The following SLMAP variants were observed in gnomAD, a reference collection of about 807,000 sequenced individuals.
SLMAP encodes the protein sarcolemma associated protein.
Under a neutral mutation model 128.8 loss-of-function variants are expected in SLMAP, and 44 were observed. That is an observed-to-expected ratio of 0.34 (90% confidence interval 0.27 to 0.44). The LOEUF is 0.44. SLMAP is among the 20% of genes least tolerant of loss of function. The pLI, the probability that SLMAP is intolerant of heterozygous loss-of-function variation, is 1.00. For synonymous variants in SLMAP, 327 were observed against 348.8 expected, an observed-to-expected ratio of 0.94 and a Z score of 0.70; for missense variants, 787 against 985.3, an observed-to-expected ratio of 0.80 and a Z score of 2.69.
At chr3:57,861,906 A>G (rs1427769657) in intron 9 of SLMAP, 43 bp from the exon 10 acceptor site, 1 of 1,538,910 alleles carries the variant, frequency 6.5e-7, no homozygotes, top group Non-Finnish European at 8.9e-7. Context: ...AATAACAAAT[A>G]TACACTTATT....
intron 2 of SLMAP, among the ~76,000 whole-genome samples, chr3:57,769,939 A>G (rs1365810919): frequency 1.3e-5 from 2 of 152,222 alleles, no homozygotes; most frequent in Non-Finnish European, 2.9e-5. Flanking sequence ...GTTAAGATAT[A>G]GTTTAAAAGT....
At chr3:57,907,856 G>A in intron 17 of SLMAP, 28 bp from the exon 18 acceptor site, 1 of 1,607,834 alleles carries the variant, frequency 6.2e-7, no homozygotes, top group South Asian at 1.1e-5. Context: ...ACTAACTCTT[G>A]CTTTTAAAAT....
At chr3:57,788,007 A>G (rs1416087192) in intron 2 of SLMAP, among the ~76,000 whole-genome samples, 1 of 152,200 alleles carries the variant, frequency 6.6e-6, no homozygotes, top group Non-Finnish European at 1.5e-5. Flanking sequence ...AGTGGTTAGA[A>G]TGGTTTCTCC....
intron 4 of SLMAP, among the ~76,000 whole-genome samples, chr3:57,846,220 G>C (rs1329305201): frequency 6.6e-6 from 1 of 152,190 alleles, no homozygotes; most frequent in Non-Finnish European, 1.5e-5. Flanking sequence ...GGTAGAGCTA[G>C]ATTTTGGACC....
chr3:57,781,099 G>A (rs1486395408), intron 2 of SLMAP, among the ~76,000 whole-genome samples: 2 of 151,504 alleles, frequency 1.3e-5, no homozygotes, highest in Non-Finnish European at 2.9e-5. Context: ...AAATAAATTA[G>A]CGAGGCATGG....
intron 3 of SLMAP, among the ~76,000 whole-genome samples, chr3:57,837,563 G>A (rs2153558363): frequency 6.6e-6 from 1 of 152,160 alleles, no homozygotes; most frequent in Middle Eastern, 3.4e-3. Flanking sequence ...TAGAGACAAG[G>A]TTTCACTGTG....
intron 4 of SLMAP, among the ~76,000 whole-genome samples, chr3:57,845,294 A>C (rs1268768041): frequency 6.6e-6 from 1 of 152,206 alleles, no homozygotes; most frequent in Non-Finnish European, 1.5e-5. Context: ...TAATCAAAGA[A>C]GGACAGTAAA....
At chr3:57,809,719 A>G (rs2090586271) in intron 2 of SLMAP, among the ~76,000 whole-genome samples, 1 of 151,986 alleles carries the variant, frequency 6.6e-6, no homozygotes, top group Admixed American at 6.6e-5. Context: ...ACTGGCTCAC[A>G]TTTCCTCCCC....
intron 4 of SLMAP, among the ~76,000 whole-genome samples, chr3:57,843,048 T>G (rs2094015871): frequency 6.6e-6 from 1 of 152,216 alleles, no homozygotes; most frequent in Admixed American, 6.5e-5. Flanking sequence ...GGCATAGTAC[T>G]TGGCATATAA....
At chr3:57,830,027 CT>C (rs1560144528) in intron 2 of SLMAP, among the ~76,000 whole-genome samples, 1 of 152,062 alleles carries the variant, frequency 6.6e-6, no homozygotes, top group African/African-American at 2.4e-5. Flanking sequence ...GTAGTAATAT[CT>C]TTTTTTGTTT....
intron 17 of SLMAP, chr3:57,899,958 A>C (rs775862514): frequency 2.7e-5 from 4 of 150,470 alleles, no homozygotes; most frequent in Admixed American, 6.7e-5. Flanking sequence ...GTGATGTATT[A>C]CTGGTACTTT....
chr3:57,892,716 A>T (rs2153653728), intron 15 of SLMAP, among the ~76,000 whole-genome samples: 1 of 152,100 alleles, frequency 6.6e-6, no homozygotes, highest in African/African-American at 2.4e-5. Context: ...AGGCCAAGAT[A>T]AGAGGATCGC....
chr3:57,916,973 G>A lies in SLMAP; in HGVS notation c.2206G>A (p.Glu736Lys). Residue 736 changes from glutamate (E) to lysine (K), a missense_variant, in exon 22 of 25, where the codon GAG (glutamate) becomes AAG (lysine). Around this residue, in one of 2 missense-constraint regions of SLMAP, gnomAD observed 715 missense variants for 843.6 expected, o/e 0.85. Coordinates refer to ENST00000671191, the MANE Select transcript of SLMAP (RefSeq NM_001377540.1). ...SILQMSRKEL[E>K]NQVGSLKEQH... The stretch of plus-strand genomic sequence containing the variant: ...CCTTCAAATGTCTAGGAAAGAACTT[G>A]AGAATCAAGTGGGATCCTTGAAAGA... The A allele has an allele frequency of 6.2e-7, 1 of 1,613,908 alleles. No homozygotes were observed. The highest frequency in any genetic ancestry group is 8.5e-7 in the Non-Finnish European group (1 of 1,179,914).
At chr3:57,880,319 G>C (rs1340107979) in intron 14 of SLMAP, among the ~76,000 whole-genome samples, 1 of 151,598 alleles carries the variant, frequency 6.6e-6, no homozygotes, top group Admixed American at 6.6e-5. Context: ...CTCCTGTCTC[G>C]GCCTCCTGAG....
At chr3:57,899,936 A>G (rs1027277476) in intron 17 of SLMAP, 47 of 152,312 alleles carry the variant, frequency 3.1e-4, no homozygotes, top group African/African-American at 1.1e-3. Context: ...AGAGTTTTAC[A>G]AATTCTTAAA....
chr3:57,913,414 T>C (rs1244111466), intron 21 of SLMAP, 139 bp downstream of exon 21: 1 of 514,558 alleles, frequency 1.9e-6, no homozygotes. Flanking sequence ...ATTTGGCAGG[T>C]TAACCATACT....
At chr3:57,862,723 T>A (rs1415477471) in intron 10 of SLMAP, among the ~76,000 whole-genome samples, 5 of 151,822 alleles carry the variant, frequency 3.3e-5, no homozygotes, top group Admixed American at 2.0e-4. Flanking sequence ...TCTCCTTGAA[T>A]GTGTTAAATT....
At chr3:57,783,083 T>G (rs944472860) in intron 2 of SLMAP, among the ~76,000 whole-genome samples, 1 of 152,220 alleles carries the variant, frequency 6.6e-6, no homozygotes. Context: ...GGGTTGTTGC[T>G]GTAACAAACA....
At chr3:57,900,454 A>G (rs1158040681) in intron 17 of SLMAP, 1 of 152,212 alleles carries the variant, frequency 6.6e-6, no homozygotes, top group Non-Finnish European at 1.5e-5. Flanking sequence ...TTCACTTCAA[A>G]TCATGTCTGT....
Sources: gnomAD v4.1 joint callset for allele counts (sites outside exome capture counted in the v4.1 genomes callset) on GRCh38, gnomAD v4.1.1 for gene constraint, gnomAD v4.1.1 regional missense constraint, MANE v1.5 for transcripts, NCBI Gene and HGNC (gene_info 2026-07-23, HGNC 2026-07-21) for gene names.